The following SPINK2 variants were observed in gnomAD, a reference collection of about 807,000 sequenced individuals.
SPINK2 encodes the protein serine protease inhibitor Kazal-type 2.
SPINK2 carries 8 observed loss-of-function variants against 13.5 expected under a neutral mutation model. The observed-to-expected ratio is 0.59, with a 90% confidence interval of 0.35 to 1.07. The LOEUF (loss-of-function observed/expected upper bound fraction) is 1.07, where lower values mean the gene tolerates loss of function less well. SPINK2 is among the 50% of genes least tolerant of loss of function. The pLI, the probability that SPINK2 is intolerant of heterozygous loss-of-function variation, is 0.02. For missense variants in SPINK2, 148 were observed against 180.3 expected, an observed-to-expected ratio of 0.82 and a Z score of 1.03; for synonymous variants, 76 against 74.7, an observed-to-expected ratio of 1.02 and a Z score of -0.09.
chr4:56,818,707 T>C (rs1717661021), intron 2 of SPINK2, among the ~76,000 whole-genome samples: 1 of 152,076 alleles, frequency 6.6e-6, no homozygotes, highest in Non-Finnish European at 1.5e-5. Context: ...TTGCCTTGCC[T>C]CCTGAGCGTG....
chr4:56,821,069 C>T (rs1033505145), intron 1 of SPINK2, among the ~76,000 whole-genome samples: 5 of 152,348 alleles, frequency 3.3e-5, no homozygotes, highest in Middle Eastern at 3.4e-3. Flanking sequence ...CTGGGACTAC[C>T]GGCCCAAGCC....
At position 56,813,776 on chromosome 4, in the gene SPINK2, A is replaced by C. The variant is rs148820776; in HGVS notation, c.250-1982T>G. ...GGTATTACAGGCGCATGCCACCACG[A>C]CCAGCTAAATTTTTGTATTTTTAGT... On this transcript the variant is annotated intron_variant, in intron 2 of 3. Coordinates refer to ENST00000506738, the MANE Select transcript of SPINK2 (RefSeq NM_001271718.2). Among the ~76,000 whole-genome samples the C allele has an allele frequency of 6.8e-3, 1,014 of 150,186 alleles. 15 individuals carry two copies. Among genetic ancestry groups the C allele is most frequent in the African/African-American group, 0.023 (928 of 40,748 alleles).
upstream of SPINK2, chr4:56,821,717 A>G: frequency 7.3e-7 from 1 of 1,371,460 alleles, no homozygotes; most frequent in Non-Finnish European, 9.3e-7. Context: ...CGCCACTCGC[A>G]GGGAGCGCTC....
chr4:56,820,676 GC>G, intron 1 of SPINK2, 97 bp from the exon 2 acceptor site: 1 of 1,065,756 alleles, frequency 9.4e-7, no homozygotes, highest in Non-Finnish European at 1.4e-6. Flanking sequence ...TTGCTATGTT[GC>G]CCAGGCTGGT....
chr4:56,812,894 G>T (rs759844445), intron 2 of SPINK2, among the ~76,000 whole-genome samples: 1 of 152,190 alleles, frequency 6.6e-6, no homozygotes, highest in Non-Finnish European at 1.5e-5. Context: ...CATCTATGGA[G>T]ACTCCAAATT....
intron 2 of SPINK2, among the ~76,000 whole-genome samples, chr4:56,817,891 A>G (rs1190900705): frequency 2.6e-5 from 4 of 151,364 alleles, no homozygotes; most frequent in African/African-American, 9.7e-5. Flanking sequence ...AGGATAGAGG[A>G]GGATAAACTA....
At chr4:56,812,504 G>A (rs28524072) in intron 2 of SPINK2, among the ~76,000 whole-genome samples, 9,877 of 135,564 alleles carry the variant, frequency 0.073, 568 homozygotes, top group South Asian at 0.3. Context: ...GCGGTGAGCC[G>A]AGATCACGCC....
intron 2 of SPINK2, among the ~76,000 whole-genome samples, chr4:56,813,926 T>C: frequency 7.1e-6 from 1 of 140,636 alleles, no homozygotes; most frequent in Non-Finnish European, 1.5e-5. Flanking sequence ...GCCCTTTTTT[T>C]TTTTTTTTTT....
At position 56,821,483 on chromosome 4, in the gene SPINK2, A is replaced by C; in HGVS notation, c.180T>G (p.Thr60=). 2 of 1,533,272 alleles carry C rather than the reference A, an allele frequency of 1.3e-6. No individual in the cohort carries two copies. The highest frequency in any genetic ancestry group is 8.7e-7 in the Non-Finnish European group (1 of 1,144,062). 95.0% of individuals were successfully genotyped at this position (1,533,272 alleles called of 1,614,324 possible). ...CTGGCAGGTCCTCTGGGGAACCGCC[A>C]GTAACGGGCGCGCGGGTACCGTCGC... ...GLGDGTRAPV[T]GGSPEDLPAS... is the part of the protein sequence containing the mutation. The change falls in exon 1 of 4, where the codon ACT becomes ACG. Residue 60 remains threonine, a synonymous_variant. Coordinates refer to ENST00000506738, the MANE Select transcript of SPINK2 (RefSeq NM_001271718.2).
chr4:56,810,212 A>C (rs1716865359), intron 3 of SPINK2, 28 bp from the exon 4 acceptor site: 1 of 1,574,296 alleles, frequency 6.4e-7, no homozygotes, highest in African/African-American at 1.3e-5. Flanking sequence ...ATAGAAATAC[A>C]TTTATTACCT....
chr4:56,817,066 G>A (rs999007609), intron 2 of SPINK2, among the ~76,000 whole-genome samples: 3 of 151,922 alleles, frequency 2.0e-5, no homozygotes, highest in Non-Finnish European at 4.4e-5. Flanking sequence ...GCTGGGCGTG[G>A]TGGCACACAC....
chr4:56,815,632 G>A (rs1465739260), intron 2 of SPINK2, among the ~76,000 whole-genome samples: 16 of 152,020 alleles, frequency 1.1e-4, no homozygotes, highest in African/African-American at 3.6e-4. Context: ...CCTGGGAAGC[G>A]GAGGTTGTAG....
Position 56,812,563 on chromosome 4 carries a change from C to CAAAAAAAAA in SPINK2, c.250-778_250-770dup, listed in dbSNP as rs57162077. Among the ~76,000 whole-genome samples, 242 of 16,370 alleles carry CAAAAAAAAA rather than the reference C, an allele frequency of 0.015. 30 individuals are homozygous for CAAAAAAAAA. The East Asian group carries it at 0.15, about 10-fold the overall frequency. The allele number at this position is 16,370 out of a possible 152,430, so 10.7% of individuals were successfully genotyped here. A position where few individuals can be genotyped will look rare whatever the true frequency, so the allele number is the denominator to read the frequency against. Reference sequence around the variant, plus strand: ...GGGCAACGAGAACGAAACTCCATCTCAAAAAAAAAAAAAAAAAAAAAAAAA... The same window carrying CAAAAAAAAA: ...GGGCAACGAGAACGAAACTCCATCTCAAAAAAAAAAAAAAAAAAAAAAAAAAAAAAAAAA... On this transcript the variant is annotated intron_variant, in intron 2 of 3. Coordinates refer to ENST00000506738, the MANE Select transcript of SPINK2 (RefSeq NM_001271718.2).
At chr4:56,811,946 T>G (rs1469766756) in intron 2 of SPINK2, 152 bp from the exon 3 acceptor site, 2 of 328,206 alleles carry the variant, frequency 6.1e-6, no homozygotes, top group African/African-American at 4.5e-5. Context: ...TCTTTTTTTT[T>G]TTTTTTTTTT....
At chr4:56,821,073 C>T (rs1396135451) in intron 1 of SPINK2, among the ~76,000 whole-genome samples, 1 of 152,162 alleles carries the variant, frequency 6.6e-6, no homozygotes, top group African/African-American at 2.4e-5. Context: ...GACTACCGGC[C>T]CAAGCCACTA....
Position 56,821,652 on chromosome 4 carries a change from G to T in SPINK2, c.11C>A (p.Ser4Ter), listed in dbSNP as rs202104702. 6.5e-7 allele frequency: 1 copy of T among 1,539,932 alleles called. No individual in the cohort carries two copies. The highest frequency in any genetic ancestry group is 8.7e-7 in the Non-Finnish European group (1 of 1,144,778). MAL[S>*]VLRLALLLLA... ...GAGCAGCAGCGCCAAGCGCAGCACC[G>T]ACAGCGCCATCCTCCTCCCGCGCCG... Residue 4 changes from serine to a stop codon, truncating the protein, a stop_gained, in exon 1 of 4, where the codon TCG (serine) becomes TAG (stop). Transcript: ENST00000506738. LOFTEE classifies it high-confidence loss of function.
At chr4:56,819,869 C>A (rs540527682) in intron 2 of SPINK2, among the ~76,000 whole-genome samples, 118 of 152,232 alleles carry the variant, frequency 7.8e-4, no homozygotes, top group African/African-American at 2.6e-3. Flanking sequence ...CCCACCTCGG[C>A]CTCCCAAAGC....
rs386674668 is a variant in SPINK2, at chr4:56,819,270, AAGG to A, written c.249+1263_249+1265del. On this transcript the variant is annotated intron_variant, in intron 2 of 3. Transcript: ENST00000506738. ...CTCTAGAGGAAGGGAATCGCGTGGG[AAGG>A]CTTCCTGGAAGAAGCCTACTCTGAG... 2.7e-3 allele frequency among the ~76,000 whole-genome samples: 416 copies of A among 152,286 alleles called. 2 individuals carry two copies. Among genetic ancestry groups the A allele is most frequent in the African/African-American group, 9.6e-3 (401 of 41,558 alleles).
At chr4:56,821,786 A>C, upstream of SPINK2, 2 of 1,050,296 alleles carry the variant, frequency 1.9e-6, no homozygotes, top group Admixed American at 9.3e-5. Context: ...GAGGAAAAGC[A>C]GCGGTAGGTG....
Sources: allele counts gnomAD v4.1 joint callset (sites outside exome capture counted in the v4.1 genomes callset), GRCh38; gene constraint gnomAD v4.1.1; transcripts MANE v1.5; gene names NCBI Gene and HGNC (gene_info 2026-07-23, HGNC 2026-07-21).